TEC: variants seen among roughly 807,000 people sequenced by gnomAD.
TEC encodes the protein tec protein tyrosine kinase.
In TEC, 72 loss-of-function variants were observed where a neutral mutation model predicts 93.0. The observed-to-expected ratio is 0.77, with a 90% CI of 0.64 to 0.94. The LOEUF (loss-of-function observed/expected upper bound fraction) is 0.94. TEC is among the 40% of genes least tolerant of loss of function. The probability of loss-of-function intolerance (pLI) is 0.00; values close to 1 mark genes in which losing one functional copy is unlikely to be tolerated. For synonymous variants in TEC, 249 were observed against 247.7 expected (o/e 1.01, Z -0.05); for missense variants, 630 against 757.9 (o/e 0.83, Z 1.98).
At chr4:48,231,561 C>T (rs1723644280) in intron 1 of TEC, among the ~76,000 whole-genome samples, 1 of 152,038 alleles carries the variant, frequency 6.6e-6, no homozygotes, top group African/African-American at 2.4e-5. Context: ...TCAAGATCAT[C>T]CTGGCTAACA....
At chr4:48,252,664 G>C (rs1724235293) in intron 1 of TEC, among the ~76,000 whole-genome samples, 1 of 152,220 alleles carries the variant, frequency 6.6e-6, no homozygotes, top group South Asian at 2.1e-4. Flanking sequence ...GATATAGGCA[G>C]ACAATCACTC....
chr4:48,241,425 C>A (rs547160727), intron 1 of TEC, among the ~76,000 whole-genome samples: 1 of 152,242 alleles, frequency 6.6e-6, no homozygotes, highest in South Asian at 2.1e-4. Flanking sequence ...ACCCAGCCAC[C>A]ATACTGAGAA....
At chr4:48,149,954 G>C (rs566063247) in intron 10 of TEC, among the ~76,000 whole-genome samples, 6 of 152,162 alleles carry the variant, frequency 3.9e-5, no homozygotes, top group African/African-American at 1.4e-4. Flanking sequence ...ACAACAGTTG[G>C]AAGTCTTAAA....
intron 8 of TEC, among the ~76,000 whole-genome samples, chr4:48,162,681 C>G (rs2109534807): frequency 6.6e-6 from 1 of 152,294 alleles, no homozygotes; most frequent in African/African-American, 2.4e-5. Flanking sequence ...AGCGCTGTGG[C>G]TTTTTGAACT....
At chr4:48,247,570 GA>G (rs1476914571) in intron 1 of TEC, among the ~76,000 whole-genome samples, 1 of 152,178 alleles carries the variant, frequency 6.6e-6, no homozygotes, top group Non-Finnish European at 1.5e-5. Context: ...AAAAAGGAAT[GA>G]AATACTGATA....
intron 7 of TEC, among the ~76,000 whole-genome samples, chr4:48,164,952 G>T (rs146600083): frequency 6.6e-6 from 1 of 151,990 alleles, no homozygotes; most frequent in African/African-American, 2.4e-5. Flanking sequence ...GAAATGAGCC[G>T]AGATCACGCC....
chr4:48,137,501 T>C lies in TEC; in HGVS notation c.1813-2A>G, dbSNP rs1342019505. On this transcript the variant is annotated splice_acceptor_variant, in intron 17 of 17. Coordinates refer to ENST00000381501, the MANE Select transcript of TEC (RefSeq NM_003215.3). LOFTEE classifies it high-confidence loss of function. ...GAAAGAAGGCCTTCCCTCTGGTTTC[T>C]ACAATTAAAAGTCAAAGAGAAGCTG... 1.2e-6 allele frequency: 2 copies of C among 1,613,798 alleles called. No individual in the cohort carries two copies. The highest frequency in any genetic ancestry group is 1.7e-6 in the Non-Finnish European group (2 of 1,179,784).
At chr4:48,142,286 C>T (rs1374315935) in intron 14 of TEC, among the ~76,000 whole-genome samples, 1 of 152,172 alleles carries the variant, frequency 6.6e-6, no homozygotes, top group Non-Finnish European at 1.5e-5. Context: ...GCCTGGCCAA[C>T]ATGACAAAAC....
intron 2 of TEC, among the ~76,000 whole-genome samples, chr4:48,198,411 G>A (rs1037529231): frequency 2.0e-5 from 3 of 152,336 alleles, no homozygotes; most frequent in South Asian, 4.1e-4. Flanking sequence ...AAGGGACACT[G>A]TAGACATTCA....
At chr4:48,248,366 G>A (rs1377860618) in intron 1 of TEC, among the ~76,000 whole-genome samples, 1 of 152,168 alleles carries the variant, frequency 6.6e-6, no homozygotes, top group Non-Finnish European at 1.5e-5. Flanking sequence ...GACAACTTGG[G>A]CTTGCTCCTA....
intron 1 of TEC, among the ~76,000 whole-genome samples, chr4:48,266,869 C>T (rs1284317823): frequency 1.3e-5 from 2 of 151,288 alleles, no homozygotes; most frequent in Non-Finnish European, 2.9e-5. Context: ...AAAAGTTATG[C>T]TTGGCTTAGC....
chr4:48,149,177 T>C (rs1323565630), intron 11 of TEC, among the ~76,000 whole-genome samples: 2 of 152,232 alleles, frequency 1.3e-5, no homozygotes, highest in Admixed American at 6.5e-5. Flanking sequence ...TATATTCCTT[T>C]GGGTATATAC....
rs371300245 is a variant in TEC at position 48,188,638 on chromosome 4, C to A, written c.139-12452G>T. Among the ~76,000 whole-genome samples, 55 of 152,170 alleles carry A rather than the reference C, an allele frequency of 3.6e-4. 2 individuals carry two copies. In the South Asian group the frequency reaches 0.011, roughly 31 times the overall value. On this transcript the variant is annotated intron_variant, in intron 2 of 17. Transcript: ENST00000381501. The stretch of plus-strand genomic sequence containing the variant: ...TGTATGTATGCTATACATACATATA[C>A]ACAGACATAAACATGCACGCGTATG...
intron 8 of TEC, among the ~76,000 whole-genome samples, chr4:48,160,491 C>A (rs183970531): frequency 8.5e-5 from 13 of 152,126 alleles, no homozygotes; most frequent in South Asian, 8.3e-4. Context: ...CTTTGGGAGG[C>A]CAAGGCCAGT....
intron 2 of TEC, among the ~76,000 whole-genome samples, chr4:48,193,683 T>A (rs10517213): frequency 0.031 from 4,733 of 152,130 alleles, 261 homozygotes; most frequent in African/African-American, 0.11. Context: ...AGTTCTTAGG[T>A]TTCTATGGTT....
At chr4:48,220,288 C>T (rs1293440269) in intron 2 of TEC, among the ~76,000 whole-genome samples, 3 of 151,856 alleles carry the variant, frequency 2.0e-5, no homozygotes, top group African/African-American at 7.3e-5. Context: ...ACCCTGCCCT[C>T]AAAGAGTTTG....
Position 48,267,787 on chromosome 4 carries a change from T to C in TEC, c.-46+1965A>G, listed in dbSNP as rs1724678633. On this transcript the variant is annotated intron_variant, in intron 1 of 17. Transcript: ENST00000381501. ...GCTGACTCTGCAGACCAAGTACCCC[T>C]GCCCTGAACAACATGGTGATTTGTC... 2.6e-5 allele frequency among the ~76,000 whole-genome samples: 4 copies of C among 152,036 alleles called. No homozygotes were observed. In the South Asian group the frequency reaches 8.3e-4, roughly 32 times the overall value.
chr4:48,223,686 C>T (rs1330627133), intron 2 of TEC, among the ~76,000 whole-genome samples: 2 of 152,188 alleles, frequency 1.3e-5, no homozygotes, highest in African/African-American at 2.4e-5. Flanking sequence ...AGGCTGCTGT[C>T]CCAAGAAAGG....
Position 48,168,029 on chromosome 4 carries a change from C to CAT in TEC, c.496-78_496-77dup, listed in dbSNP as rs1197349696. The stretch of plus-strand genomic sequence containing the variant: ...TCATGAATCAAAACACTAAATGAGT[C>CAT]ATACATCACCACAGAATAAACTAGA... On this transcript the variant is annotated intron_variant, in intron 6 of 17. Coordinates refer to ENST00000381501, the MANE Select transcript of TEC (RefSeq NM_003215.3). 1.5e-5 allele frequency: 19 copies of CAT among 1,305,136 alleles called. No individual in the cohort carries two copies. In the East Asian group the frequency reaches 3.9e-4, roughly 27 times the overall value. 80.8% of individuals were successfully genotyped at this position (1,305,136 alleles called of 1,614,324 possible).
Sources: gnomAD v4.1 joint callset for allele counts (sites outside exome capture counted in the v4.1 genomes callset) on GRCh38, gnomAD v4.1.1 for gene constraint, MANE v1.5 for transcripts, NCBI Gene and HGNC (gene_info 2026-07-23, HGNC 2026-07-21) for gene names.